The following KYNU variants were observed in gnomAD, a reference collection of about 807,000 sequenced individuals.
KYNU encodes the protein kynureninase.
In KYNU, 54 loss-of-function variants were observed where a neutral mutation model predicts 59.2. The observed-to-expected ratio is 0.91, with a 90% CI of 0.73 to 1.14. The LOEUF is 1.14. KYNU is among the 50% of genes most tolerant of loss of function. The pLI is 0.00. For missense variants in KYNU, 567 were observed against 554.4 expected (o/e 1.02, Z -0.23); for synonymous variants, 177 against 192.0 (o/e 0.92, Z 0.65).
At chr2:142,981,426 G>T (rs1374534129) in intron 8 of KYNU, among the ~76,000 whole-genome samples, 1 of 151,918 alleles carries the variant, frequency 6.6e-6, no homozygotes. Flanking sequence ...TCCCCATATG[G>T]AATTTCAGTA....
intron 10 of KYNU, among the ~76,000 whole-genome samples, chr2:142,987,782 G>A (rs1413347241): frequency 6.6e-6 from 1 of 151,944 alleles, no homozygotes; most frequent in African/African-American, 2.4e-5. Flanking sequence ...ATGTAGAATT[G>A]TAATCCCCAG....
At chr2:142,967,850 G>T (rs1684597813) in intron 8 of KYNU, among the ~76,000 whole-genome samples, 1 of 152,096 alleles carries the variant, frequency 6.6e-6, no homozygotes, top group Admixed American at 6.6e-5. Context: ...TATTACAGTA[G>T]AATGATATCA....
Position 143,043,627 on chromosome 2 carries a change from C to G in KYNU, c.*1455C>G, listed in dbSNP as rs558236600. The G allele has an allele frequency of 2.0e-5, 3 of 151,384 alleles. No individual in the cohort carries two copies. The highest frequency in any genetic ancestry group is 7.2e-5 in the African/African-American group (3 of 41,396). The allele number at this position is 151,384 out of a possible 1,614,324, so 9.4% of individuals were successfully genotyped here. On this transcript the variant is annotated 3_prime_UTR_variant, in exon 14 of 14. Coordinates refer to ENST00000264170, the MANE Select transcript of KYNU (RefSeq NM_003937.3). ...TCTCCCTTAATTGAGTGGCTACATACTGCTTTAGCAAATCTTCCTACTGTA... is the reference window on the plus strand; with the variant it reads ...TCTCCCTTAATTGAGTGGCTACATAGTGCTTTAGCAAATCTTCCTACTGTA...
chr2:142,920,886 C>T (rs1328411137), intron 3 of KYNU, among the ~76,000 whole-genome samples: 2 of 152,286 alleles, frequency 1.3e-5, no homozygotes, highest in African/African-American at 4.8e-5. Context: ...CCTCACCCAT[C>T]GTTTTTGATC....
At chr2:142,911,997 T>TTTGTTG (rs34163854) in intron 2 of KYNU, among the ~76,000 whole-genome samples, 12 of 151,728 alleles carry the variant, frequency 7.9e-5, no homozygotes, top group African/African-American at 2.2e-4. Context: ...GACCCGTAAT[T>TTTGTTG]TTGTTGTTGT....
chr2:142,985,537 A>G (rs1347364212), intron 9 of KYNU, among the ~76,000 whole-genome samples: 3 of 151,896 alleles, frequency 2.0e-5, no homozygotes, highest in Non-Finnish European at 4.4e-5. Context: ...TAGAGAATCA[A>G]CTTAGAATTC....
At chr2:143,028,487 C>A (rs1573913373) in intron 10 of KYNU, among the ~76,000 whole-genome samples, 1 of 149,338 alleles carries the variant, frequency 6.7e-6, no homozygotes, top group East Asian at 2.0e-4. Flanking sequence ...CATGATCCAC[C>A]CGCCTTGGCC....
chr2:142,950,790 C>A (rs763401181), intron 4 of KYNU, among the ~76,000 whole-genome samples: 1 of 152,218 alleles, frequency 6.6e-6, no homozygotes, highest in Non-Finnish European at 1.5e-5. Flanking sequence ...AGAGACCTAG[C>A]TTTCAGCCTA....
chr2:143,039,910 G>A (rs1480047067), intron 12 of KYNU, among the ~76,000 whole-genome samples: 1 of 152,092 alleles, frequency 6.6e-6, no homozygotes, highest in Non-Finnish European at 1.5e-5. Flanking sequence ...GAGGCCTGGA[G>A]AGTTTCTTCA....
intron 2 of KYNU, among the ~76,000 whole-genome samples, chr2:142,901,991 G>A (rs752175430): frequency 7.9e-5 from 12 of 152,258 alleles, no homozygotes; most frequent in Non-Finnish European, 1.2e-4. Context: ...TAAGAGTTGC[G>A]CAAGTATGCA....
intron 4 of KYNU, among the ~76,000 whole-genome samples, chr2:142,948,378 C>G (rs1485605908): frequency 6.6e-6 from 1 of 152,214 alleles, no homozygotes; most frequent in East Asian, 1.9e-4. Flanking sequence ...ATCACTCAAA[C>G]TTTCTCCATA....
At chr2:142,949,593 G>A (rs1345329982) in intron 4 of KYNU, among the ~76,000 whole-genome samples, 1 of 152,184 alleles carries the variant, frequency 6.6e-6, no homozygotes, top group Non-Finnish European at 1.5e-5. Context: ...TTCATCCATG[G>A]CTGGAGTGGC....
rs1490931371 is a variant in KYNU at position 143,050,149 on chromosome 2, TATA to T, written c.*7982_*7984del. On this transcript the variant is annotated 3_prime_UTR_variant, in exon 14 of 14. Transcript: ENST00000264170. ...TAAATATATATTTAAATAATATAAA[TATA>T]ATAAATATTTGAAGCAATTGTATTT... The T allele has an allele frequency of 1.3e-5, 2 of 149,730 alleles. No homozygotes were observed. The highest frequency in any genetic ancestry group is 6.7e-5 in the Admixed American group (1 of 14,972). The allele number at this position is 149,730 out of a possible 1,614,324, so 9.3% of individuals were successfully genotyped here. A position where few individuals can be genotyped will look rare whatever the true frequency, so the allele number is the denominator to read the frequency against.
Position 143,040,674 on chromosome 2 carries a change from T to C in KYNU, c.1272+16T>C. Reference sequence around the variant, plus strand: ...AGGAGTGGTTGTAAGTATGTCTTGCTTTGCTACCAGATTTTGTCTATGGGC... The same window carrying C: ...AGGAGTGGTTGTAAGTATGTCTTGCCTTGCTACCAGATTTTGTCTATGGGC... On this transcript the variant is annotated intron_variant, in intron 13 of 13. Coordinates refer to ENST00000264170, the MANE Select transcript of KYNU (RefSeq NM_003937.3). 1 of 1,545,244 alleles carries C rather than the reference T, an allele frequency of 6.5e-7. No individual in the cohort carries two copies.
chr2:143,040,492 A>T lies in KYNU; in HGVS notation c.1106A>T (p.Glu369Val). Residue 369 changes from glutamate to valine, a missense_variant, in exon 13 of 14, where the codon GAA becomes GTA. Glu to Val is a moderately radical substitution (Grantham distance 121). Coordinates refer to ENST00000264170, the MANE Select transcript of KYNU (RefSeq NM_003937.3). ...KKSVLLTGYL[E>V]YLIKHNYGKD... is the part of the protein sequence containing the mutation. ...TCTGTTTTGCTAACTGGCTATCTGGAATACCTGATCAAGCATAACTATGGC... is the reference window on the plus strand; with the variant it reads ...TCTGTTTTGCTAACTGGCTATCTGGTATACCTGATCAAGCATAACTATGGC... 1 of 1,613,310 alleles carries T rather than the reference A, an allele frequency of 6.2e-7. No homozygotes were observed. The highest frequency in any genetic ancestry group is 8.5e-7 in the Non-Finnish European group (1 of 1,179,544).
intron 10 of KYNU, chr2:142,988,878 A>G (rs1685307471): frequency 6.2e-7 from 1 of 1,608,810 alleles, no homozygotes; most frequent in Admixed American, 1.7e-5. Flanking sequence ...AATGGAATGC[A>G]ACAGATTTGG....
At chr2:142,892,833 T>G (rs1271099374) in intron 2 of KYNU, among the ~76,000 whole-genome samples, 3 of 152,230 alleles carry the variant, frequency 2.0e-5, no homozygotes. Context: ...CCCTGTCACC[T>G]GTGGCCTTGA....
chr2:143,023,333 A>T (rs113999137), intron 10 of KYNU, among the ~76,000 whole-genome samples: 1 of 151,892 alleles, frequency 6.6e-6, no homozygotes, highest in Admixed American at 6.6e-5. Flanking sequence ...CTCAGATACC[A>T]TGGTCAGCAA....
At chr2:142,888,667 T>A (rs1681597957) in intron 2 of KYNU, among the ~76,000 whole-genome samples, 1 of 151,832 alleles carries the variant, frequency 6.6e-6, no homozygotes, top group African/African-American at 2.4e-5. Flanking sequence ...CTATTCTAGA[T>A]CCTCTAGGAT....
Sources: gnomAD v4.1 joint callset for allele counts (sites outside exome capture counted in the v4.1 genomes callset) on GRCh38, gnomAD v4.1.1 for gene constraint, MANE v1.5 for transcripts, NCBI Gene and HGNC (gene_info 2026-07-23, HGNC 2026-07-21) for gene names.